The following SPATA1 variants were observed in gnomAD, a reference collection of about 807,000 sequenced individuals.
The protein encoded by SPATA1 is spermatogenesis-associated protein 1.
SPATA1 carries 57 observed loss-of-function variants against 59.6 expected under a neutral mutation model. The ratio of observed to expected loss-of-function variants is 0.96; its 90% CI spans 0.77 to 1.19. The LOEUF is 1.19. Among genes scored for constraint, SPATA1 ranks in the 50% most tolerant of loss-of-function variants. The pLI is 0.00. For missense variants in SPATA1, 448 were observed against 480.7 expected (o/e 0.93, Z 0.64); for synonymous variants, 147 against 163.9 (o/e 0.90, Z 0.79).
At chr1:84,513,038 CAT>C (rs59821232) in intron 1 of SPATA1, among the ~76,000 whole-genome samples, 30,891 of 152,132 alleles carry the variant, frequency 0.2, 4,504 homozygotes, top group African/African-American at 0.41. Flanking sequence ...GAAAATCCCA[CAT>C]GTTATATGTT....
intron 12 of SPATA1, chr1:84,551,823 C>T (rs139995664): frequency 1.3e-5 from 2 of 152,220 alleles, no homozygotes; most frequent in East Asian, 1.9e-4. Context: ...TAAACTTGTA[C>T]ACTTAATAAT....
chr1:84,565,316 A>G (rs190738040), intron 4 of SPATA1, among the ~76,000 whole-genome samples: 3 of 152,244 alleles, frequency 2.0e-5, no homozygotes, highest in African/African-American at 7.2e-5. Context: ...CATCAAATGA[A>G]TGACAGGTCA....
At chr1:84,515,411 T>C (rs970115511) in intron 1 of SPATA1, among the ~76,000 whole-genome samples, 2 of 148,320 alleles carry the variant, frequency 1.3e-5, no homozygotes, top group African/African-American at 5.1e-5. Flanking sequence ...TGTTAGGGTT[T>C]TGTAGAGCTG....
chr1:84,544,251 G>A (rs138986087), exon 9 of SPATA1: 935 of 1,599,106 alleles, frequency 5.8e-4, no homozygotes, highest in Non-Finnish European at 5.4e-4. Context: ...TCACTTCCTT[G>A]TCAACCTGTT....
intron 8 of SPATA1, among the ~76,000 whole-genome samples, chr1:84,534,067 T>C (rs1234960047): frequency 2.0e-5 from 3 of 152,078 alleles, no homozygotes; most frequent in Non-Finnish European, 4.4e-5. Flanking sequence ...AATTTGTAAT[T>C]TAATATACTA....
chr1:84,533,644 A>G lies in SPATA1; in HGVS notation c.660-65A>G, dbSNP rs560123507. On this transcript the variant is annotated intron_variant, in intron 7 of 12. Coordinates refer to ENST00000490879, the Ensembl canonical transcript of SPATA1. ...CAGAGCATCAAATAAAATACATAAA[A>G]TATGAAAAGCTAATATTCATGGGAT... 3.2e-6 allele frequency: 4 copies of G among 1,259,368 alleles called. No homozygotes were observed. In the African/African-American group the frequency reaches 6.0e-5, roughly 19 times the overall value. The allele number at this position is 1,259,368 out of a possible 1,614,324, so 78.0% of individuals were successfully genotyped here.
At chr1:84,532,795 A>G (rs893822598) in intron 6 of SPATA1, 65 bp from the exon 7 acceptor site, 2 of 1,135,650 alleles carry the variant, frequency 1.8e-6, no homozygotes, top group African/African-American at 3.1e-5. Flanking sequence ...ATAAAAACAA[A>G]CGTTTATTTT....
intron 4 of SPATA1, among the ~76,000 whole-genome samples, chr1:84,525,140 T>C (rs990156687): frequency 6.6e-6 from 1 of 152,144 alleles, no homozygotes; most frequent in Admixed American, 6.5e-5. Context: ...CTAATTTTTA[T>C]ATTTTTAGTA....
At chr1:84,556,412 C>A (rs902806306), downstream of SPATA1, among the ~76,000 whole-genome samples, 24 of 152,224 alleles carry the variant, frequency 1.6e-4, no homozygotes, top group African/African-American at 5.5e-4. Context: ...AGAATAGTCT[C>A]TTAAGATGAC....
chr1:84,554,773 T>G, downstream of SPATA1: 1 of 437,708 alleles, frequency 2.3e-6, no homozygotes, highest in Non-Finnish European at 4.0e-6. Flanking sequence ...AAACATCTAA[T>G]AGAGGAATAT....
At chr1:84,560,094 AAAAAAAG>A (rs1391146323) in intron 4 of SPATA1, among the ~76,000 whole-genome samples, 11 of 132,022 alleles carry the variant, frequency 8.3e-5, no homozygotes, top group African/African-American at 2.5e-4. Context: ...AAAAAAAAAA[AAAAAAAG>A]AAAGAAAGAA....
chr1:84,545,986 C>T (rs1684073556), intron 10 of SPATA1, among the ~76,000 whole-genome samples: 1 of 152,104 alleles, frequency 6.6e-6, no homozygotes, highest in South Asian at 2.1e-4. Flanking sequence ...CAAATATTTT[C>T]ATAACTGAAA....
intron 11 of SPATA1, 114 bp downstream of exon 11, chr1:84,549,078 A>G: frequency 9.6e-7 from 1 of 1,036,812 alleles, no homozygotes; most frequent in Non-Finnish European, 1.3e-6. Flanking sequence ...AAACTTGCTT[A>G]AAACAATAAA....
chr1:84,533,888 T>C (rs10874451), intron 8 of SPATA1, 122 bp downstream of exon 8: 188,106 of 612,322 alleles, frequency 0.31, 33,384 homozygotes, highest in African/African-American at 0.62. Context: ...CTAATATCAA[T>C]ATAATCAATA....
intron 2 of SPATA1, 70 bp from the exon 3 acceptor site, chr1:84,520,515 A>G (rs947407178): frequency 4.5e-6 from 4 of 894,836 alleles, no homozygotes; most frequent in East Asian, 3.0e-5. Context: ...ACTTAATTCT[A>G]TAGGACATCA....
At chr1:84,506,550 C>T in intron 1 of SPATA1, 132 bp downstream of exon 1, 1 of 154,408 alleles carries the variant, frequency 6.5e-6, no homozygotes, top group Non-Finnish European at 1.4e-5. Context: ...CAGTTTTCCT[C>T]CCAGTTTGTG....
At chr1:84,508,571 A>G (rs1682388225) in intron 1 of SPATA1, among the ~76,000 whole-genome samples, 1 of 152,198 alleles carries the variant, frequency 6.6e-6, no homozygotes. Context: ...TTTTGTCAGC[A>G]GAGCACTGTC....
At chr1:84,544,735 A>G (rs1049232992) in intron 9 of SPATA1, among the ~76,000 whole-genome samples, 1 of 151,268 alleles carries the variant, frequency 6.6e-6, no homozygotes, top group African/African-American at 2.4e-5. Flanking sequence ...TAATTTTTGC[A>G]TTTTTAGTAG....
At chr1:84,563,940 T>TA in intron 4 of SPATA1, 6 of 1,226,778 alleles carry the variant, frequency 4.9e-6, no homozygotes, top group Non-Finnish European at 6.4e-6. Context: ...AGTACATTTA[T>TA]AAAAAACACT....
Sources: allele counts gnomAD v4.1 joint callset (sites outside exome capture counted in the v4.1 genomes callset), GRCh38; gene constraint gnomAD v4.1.1; transcripts MANE v1.5; gene names NCBI Gene and HGNC (gene_info 2026-07-23, HGNC 2026-07-21).